The following SGCZ variants were observed in gnomAD, a reference collection of about 807,000 sequenced individuals.
SGCZ encodes sarcoglycan zeta.
In SGCZ, 40 loss-of-function variants were observed where a neutral mutation model predicts 41.3. The observed-to-expected ratio is 0.97, with a 90% confidence interval of 0.75 to 1.26. SGCZ has a LOEUF of 1.26. Ranked by LOEUF, SGCZ falls within the 50% of genes most tolerant of loss-of-function variation. SGCZ has a pLI of 0.00. For synonymous variants in SGCZ, 206 were observed against 137.5 expected (o/e 1.50, Z -3.49); for missense variants, 552 against 369.8 (o/e 1.49, Z -4.04).
Position 14,913,973 on chromosome 8 carries a change from A to G in SGCZ, c.39+323612T>C, listed in dbSNP as rs1012085275. ...AGAAGAGAAAAAGAATCAAGTTTGT[A>G]GCATAATAAAAAAAAATTAGCTTAG... On this transcript the variant is annotated intron_variant, in intron 1 of 7. Coordinates refer to ENST00000382080, the MANE Select transcript of SGCZ (RefSeq NM_139167.4). Among the ~76,000 whole-genome samples, 11 of 151,766 alleles carry G rather than the reference A, an allele frequency of 7.2e-5. No individual in the cohort carries two copies. In the East Asian group the frequency reaches 2.1e-3, roughly 29 times the overall value.
At chr8:14,447,529 C>A (rs958878706) in intron 2 of SGCZ, among the ~76,000 whole-genome samples, 1 of 152,064 alleles carries the variant, frequency 6.6e-6, no homozygotes, top group Non-Finnish European at 1.5e-5. Flanking sequence ...ATTAAGGAGT[C>A]AGTAGGAGAC....
rs1202306930 is a variant in SGCZ at position 14,726,311 on chromosome 8, C to CATATATATATATATATATAT, written c.40-171386_40-171385insATATATATATATATATATAT. The stretch of plus-strand genomic sequence containing the variant: ...GTGTGTGTGTGTATATGTGTAAATA[C>CATATATATATATATATATAT]ATATATATATATCTATATATATATA... On this transcript the variant is annotated intron_variant, in intron 1 of 7. Transcript: ENST00000382080. Among the ~76,000 whole-genome samples, 180 of 107,574 alleles carry CATATATATATATATATATAT rather than the reference C, an allele frequency of 1.7e-3. 5 individuals carry two copies. The highest frequency in any genetic ancestry group is 2.9e-3 in the Non-Finnish European group (157 of 53,852). 70.6% of individuals were successfully genotyped at this position (107,574 alleles called of 152,430 possible).
chr8:14,860,354 G>A (rs1031170620), intron 1 of SGCZ, among the ~76,000 whole-genome samples: 3 of 151,988 alleles, frequency 2.0e-5, no homozygotes, highest in South Asian at 2.1e-4. Context: ...TCTAGTGTCT[G>A]GAGGTGGTAA....
chr8:14,512,505 G>T (rs981308684), intron 2 of SGCZ, among the ~76,000 whole-genome samples: 1 of 152,070 alleles, frequency 6.6e-6, no homozygotes, highest in African/African-American at 2.4e-5. Context: ...CTGTTGCTCA[G>T]GCTGAAGTGC....
chr8:14,410,978 C>A (rs1799344808), intron 2 of SGCZ, among the ~76,000 whole-genome samples: 1 of 151,774 alleles, frequency 6.6e-6, no homozygotes, highest in South Asian at 2.1e-4. Context: ...ATTTCAATAG[C>A]AATTTTAAAA....
At chr8:14,822,073 TACACACACACACACACACAC>T in intron 1 of SGCZ, among the ~76,000 whole-genome samples, 1 of 141,656 alleles carries the variant, frequency 7.1e-6, no homozygotes, top group African/African-American at 2.6e-5. Flanking sequence ...CCCTAAAGAT[TACACACACACACACACACAC>T]ACACACACAC....
At chr8:14,834,235 C>A (rs577890741) in intron 1 of SGCZ, among the ~76,000 whole-genome samples, 2 of 152,092 alleles carry the variant, frequency 1.3e-5, no homozygotes, top group Admixed American at 1.3e-4. Context: ...TAATCATTAC[C>A]TGAATAGATT....
At position 14,645,410 on chromosome 8, in the gene SGCZ, G is replaced by T. The variant is rs1036432350; in HGVS notation, c.40-90484C>A. Among the ~76,000 whole-genome samples, 46 of 144,538 alleles carry T rather than the reference G, an allele frequency of 3.2e-4. 1 individual carries two copies. The South Asian group carries it at 9.3e-3, about 29-fold the overall frequency. 94.8% of individuals were successfully genotyped at this position (144,538 alleles called of 152,430 possible). ...GGCGTCCTCTAAAACTTTTTACACA[G>T]CCAATTAAAATATTTGCAGGTTTCT... On this transcript the variant is annotated intron_variant, in intron 1 of 7. Coordinates refer to ENST00000382080, the MANE Select transcript of SGCZ (RefSeq NM_139167.4).
intron 3 of SGCZ, among the ~76,000 whole-genome samples, chr8:14,256,346 A>C (rs1393759192): frequency 6.6e-6 from 1 of 151,850 alleles, no homozygotes; most frequent in Non-Finnish European, 1.5e-5. Flanking sequence ...TCTTCCTCAG[A>C]AAAAGTGCAC....
intron 1 of SGCZ, among the ~76,000 whole-genome samples, chr8:14,621,669 GA>G (rs952631333): frequency 6.6e-6 from 1 of 151,950 alleles, no homozygotes; most frequent in Non-Finnish European, 1.5e-5. Context: ...GAGAGAGAGT[GA>G]AGTGGGGAAG....
chr8:15,222,451 A>C (rs1287456678), intron 1 of SGCZ, among the ~76,000 whole-genome samples: 1 of 152,166 alleles, frequency 6.6e-6, no homozygotes, highest in Non-Finnish European at 1.5e-5. Context: ...TATGAAAAAA[A>C]AACACCCCTG....
chr8:14,724,925 C>G (rs1025887631), intron 1 of SGCZ, among the ~76,000 whole-genome samples: 4 of 152,108 alleles, frequency 2.6e-5, no homozygotes, highest in Non-Finnish European at 5.9e-5. Flanking sequence ...TATAGTGCTA[C>G]TTAATACTAG....
chr8:14,885,173 A>G (rs753559650), intron 1 of SGCZ, among the ~76,000 whole-genome samples: 2 of 152,078 alleles, frequency 1.3e-5, no homozygotes, highest in African/African-American at 2.4e-5. Context: ...ACGAATCTCT[A>G]TTTAATATGT....
intron 1 of SGCZ, among the ~76,000 whole-genome samples, chr8:14,697,022 G>C (rs377261863): frequency 2.6e-5 from 4 of 151,964 alleles, no homozygotes; most frequent in East Asian, 3.9e-4. Flanking sequence ...TTAAATATGG[G>C]GAAACAGAGA....
At chr8:14,366,077 C>A (rs1376054081) in intron 2 of SGCZ, among the ~76,000 whole-genome samples, 1 of 152,008 alleles carries the variant, frequency 6.6e-6, no homozygotes, top group African/African-American at 2.4e-5. Context: ...TCATTTTTAT[C>A]ATATTTTTAT....
chr8:15,196,864 G>A (rs1329896807), intron 1 of SGCZ, among the ~76,000 whole-genome samples: 1 of 152,190 alleles, frequency 6.6e-6, no homozygotes, highest in Non-Finnish European at 1.5e-5. Context: ...CAGGTGAGAG[G>A]GGCTGGGAGG....
intron 1 of SGCZ, among the ~76,000 whole-genome samples, chr8:14,939,400 A>C (rs910050257): frequency 2.6e-5 from 4 of 152,150 alleles, no homozygotes; most frequent in Non-Finnish European, 4.4e-5. Context: ...TCAGAATATA[A>C]CAGTTCCTAA....
At chr8:14,357,945 G>T (rs1029278371) in intron 2 of SGCZ, among the ~76,000 whole-genome samples, 6 of 152,246 alleles carry the variant, frequency 3.9e-5, no homozygotes, top group African/African-American at 1.4e-4. Context: ...AAACTTTCTT[G>T]AGCACAGAAG....
intron 1 of SGCZ, among the ~76,000 whole-genome samples, chr8:14,943,412 G>C (rs930397176): frequency 1.3e-5 from 2 of 152,232 alleles, no homozygotes; most frequent in Non-Finnish European, 2.9e-5. Context: ...ACTAACATTT[G>C]GAACAAATAA....
Sources: gnomAD v4.1 joint callset for allele counts (sites outside exome capture counted in the v4.1 genomes callset) on GRCh38, gnomAD v4.1.1 for gene constraint, MANE v1.5 for transcripts, NCBI Gene and HGNC (gene_info 2026-07-23, HGNC 2026-07-21) for gene names.